The following GAPVD1 variants were observed in gnomAD, a reference collection of about 807,000 sequenced individuals.
GAPVD1 encodes the protein GTPase-activating protein and VPS9 domain-containing protein 1.
In GAPVD1, 35 loss-of-function variants were observed where a neutral mutation model predicts 155.5. The observed-to-expected ratio is 0.23, with a 90% CI of 0.17 to 0.30. The LOEUF (loss-of-function observed/expected upper bound fraction) is 0.30, where lower values mean the gene tolerates loss of function less well. Among genes scored for constraint, GAPVD1 ranks in the 10% least tolerant of loss-of-function variants. GAPVD1 has a pLI of 1.00. For missense variants in GAPVD1, 1,429 were observed against 1,775.7 expected, an observed-to-expected ratio of 0.80 and a Z score of 3.51; for synonymous variants, 636 against 619.7, an observed-to-expected ratio of 1.03 and a Z score of -0.39.
rs573927321 is a variant in GAPVD1 at position 125,274,254 on chromosome 9, G to A, written c.-150+5270G>A. Among the ~76,000 whole-genome samples, 5 of 152,080 alleles carry A rather than the reference G, an allele frequency of 3.3e-5. No homozygotes were observed. In the South Asian group the frequency reaches 1.0e-3, roughly 32 times the overall value. ...CCTGGTCTTGAACTCCTGACCTAAA[G>A]TGATCTGCCGGCCTCGGCCTCTCAA... On this transcript the variant is annotated intron_variant, in intron 2 of 27. Coordinates refer to ENST00000297933, the MANE Select transcript of GAPVD1 (RefSeq NM_001282680.3).
chr9:125,296,702 C>T (rs1839946504), intron 3 of GAPVD1, among the ~76,000 whole-genome samples: 2 of 121,176 alleles, frequency 1.7e-5, no homozygotes, highest in Non-Finnish European at 3.3e-5. Context: ...CGTTCTGTTG[C>T]CCATGCTGGA....
At chr9:125,353,884 T>A (rs969507346) in intron 23 of GAPVD1, among the ~76,000 whole-genome samples, 2 of 152,198 alleles carry the variant, frequency 1.3e-5, no homozygotes, top group African/African-American at 4.8e-5. Context: ...GCAACATATT[T>A]GGATATTTAC....
chr9:125,360,465 G>C, intron 26 of GAPVD1, 63 bp from the exon 27 acceptor site: 4 of 1,316,100 alleles, frequency 3.0e-6, no homozygotes, highest in Non-Finnish European at 4.4e-6. Flanking sequence ...GGAGGTTGCA[G>C]TAGTCACTGC....
At chr9:125,272,455 C>G (rs780859492) in intron 2 of GAPVD1, among the ~76,000 whole-genome samples, 32 of 152,166 alleles carry the variant, frequency 2.1e-4, no homozygotes, top group Non-Finnish European at 4.4e-4. Flanking sequence ...GATAGGCCAA[C>G]TTGGATTCTG....
intron 4 of GAPVD1, among the ~76,000 whole-genome samples, chr9:125,299,904 A>G (rs1201830971): frequency 1.4e-5 from 2 of 142,446 alleles, no homozygotes; most frequent in African/African-American, 5.2e-5. Context: ...CTGTAATCCC[A>G]GCTACTCGGG....
intron 9 of GAPVD1, among the ~76,000 whole-genome samples, chr9:125,320,470 T>C (rs544807057): frequency 1.3e-4 from 20 of 152,280 alleles, no homozygotes; most frequent in African/African-American, 4.6e-4. Flanking sequence ...TATGTTGTGA[T>C]CAAGTGGACG....
rs1055401802 is a variant in GAPVD1, at chr9:125,331,986, G to A, written c.2234G>A (p.Gly745Asp). The change falls in exon 14 of 28, where the codon GGT (glycine) becomes GAT (aspartate). Residue 745 changes from glycine to aspartate, a missense_variant. This residue lies in a region of GAPVD1 where 699 missense variants were observed against 826.0 expected (regional missense o/e 0.85). Transcript: ENST00000297933. ...GAACTGGAGAGCTGTTCTGGACTGG[G>A]TAGCACATCTGATGATACGGATGTC... is the stretch of plus-strand genomic sequence containing the variant. ...LQELESCSGL[G>D]STSDDTDVRE... is the part of the protein sequence containing the mutation. 6.2e-7 allele frequency: 1 copy of A among 1,613,582 alleles called. No individual in the cohort carries two copies. Among genetic ancestry groups the A allele is most frequent in the Non-Finnish European group, 8.5e-7 (1 of 1,179,608 alleles).
At chr9:125,335,092 C>A in intron 15 of GAPVD1, 1 of 630,632 alleles carries the variant, frequency 1.6e-6, no homozygotes, top group South Asian at 2.1e-5. Flanking sequence ...GGTAGAGTAT[C>A]AAAGAATAAT....
intron 1 of GAPVD1, among the ~76,000 whole-genome samples, chr9:125,267,051 G>T (rs1472019380): frequency 6.6e-6 from 1 of 152,134 alleles, no homozygotes; most frequent in Non-Finnish European, 1.5e-5. Context: ...CACTGTACCC[G>T]GCAGGCTTTG....
chr9:125,361,061 G>T (rs940732062), intron 27 of GAPVD1, among the ~76,000 whole-genome samples: 4 of 151,962 alleles, frequency 2.6e-5, no homozygotes, highest in Non-Finnish European at 5.9e-5. Flanking sequence ...ACAGGGTTTC[G>T]CCATGTTGGC....
chr9:125,356,096 G>A (rs150533041), intron 25 of GAPVD1, among the ~76,000 whole-genome samples: 3 of 152,330 alleles, frequency 2.0e-5, no homozygotes, highest in Non-Finnish European at 2.9e-5. Context: ...AAGCACTGCT[G>A]TTTACTCTGC....
At chr9:125,284,215 A>C (rs1397157605) in intron 2 of GAPVD1, among the ~76,000 whole-genome samples, 3 of 108,268 alleles carry the variant, frequency 2.8e-5, no homozygotes, top group African/African-American at 7.6e-5. Context: ...ATGGAGACTC[A>C]CTCTTGACAC....
chr9:125,315,519 A>G (rs180856669), intron 9 of GAPVD1, among the ~76,000 whole-genome samples: 1 of 152,224 alleles, frequency 6.6e-6, no homozygotes, highest in African/African-American at 2.4e-5. Context: ...TGAAAGCAGC[A>G]TGGTTGTGTA....
chr9:125,315,589 GC>G (rs1843305557), intron 9 of GAPVD1, among the ~76,000 whole-genome samples: 2 of 152,144 alleles, frequency 1.3e-5, no homozygotes, highest in South Asian at 4.1e-4. Context: ...TGTTTTGCCT[GC>G]CTCTGATCTT....
Position 125,362,705 on chromosome 9 carries a change from G to A in GAPVD1, c.4342G>A (p.Ala1448Thr). ...EESYWWMQFTAAVEFIKTIDD... is the reference protein window; with the variant it reads ...EESYWWMQFTTAVEFIKTIDD... The stretch of plus-strand genomic sequence containing the variant: ...GTCCTATTGGTGGATGCAGTTCACA[G>A]CAGCAGTAGAATTCATTAAAACCAT... The change falls in exon 28 of 28, where the codon GCA (alanine) becomes ACA (threonine). Residue 1448 changes from alanine (A) to threonine (T), a missense_variant. Coordinates refer to ENST00000297933, the MANE Select transcript of GAPVD1 (RefSeq NM_001282680.3). 6.2e-7 allele frequency: 1 copy of A among 1,613,852 alleles called. No homozygotes were observed. The highest frequency in any genetic ancestry group is 8.5e-7 in the Non-Finnish European group (1 of 1,179,838).
At chr9:125,266,694 G>A (rs1054568280) in intron 1 of GAPVD1, among the ~76,000 whole-genome samples, 4 of 152,130 alleles carry the variant, frequency 2.6e-5, no homozygotes, top group Admixed American at 2.6e-4. Context: ...AATTCTGGGA[G>A]GCAGAATATA....
In GAPVD1 at chr9:125,323,928, A is replaced by T. The variant is rs1844766918; in HGVS notation, c.1858+5A>T. 6.2e-7 allele frequency: 1 copy of T among 1,612,216 alleles called. No homozygotes were observed. The highest frequency in any genetic ancestry group is 2.2e-5 in the East Asian group (1 of 44,844). On this transcript the variant is annotated splice_donor_5th_base_variant and intron_variant, in intron 11 of 27. Coordinates refer to ENST00000297933, the MANE Select transcript of GAPVD1 (RefSeq NM_001282680.3). Reference sequence around the variant, plus strand: ...AGCTGTTAGAACATGAGCAAGGTAAAGTGAAGTTGAACACAGTTGCCTAAG... The same window carrying T: ...AGCTGTTAGAACATGAGCAAGGTAATGTGAAGTTGAACACAGTTGCCTAAG...
At chr9:125,338,082 G>A (rs1847292495) in intron 17 of GAPVD1, among the ~76,000 whole-genome samples, 1 of 152,144 alleles carries the variant, frequency 6.6e-6, no homozygotes, top group African/African-American at 2.4e-5. Flanking sequence ...CACCATGTTG[G>A]CCAGGATGGT....
chr9:125,305,118 G>T lies in GAPVD1; in HGVS notation c.1085G>T (p.Arg362Leu). The change falls in exon 6 of 28, where the codon CGA (arginine) becomes CTA (leucine). Residue 362 changes from arginine to leucine, a missense_variant. Physicochemically the swap from Arg to Leu is moderately radical, Grantham distance 102. This residue lies in a region of GAPVD1 where 628 missense variants were observed against 733.4 expected (regional missense o/e 0.86). Coordinates refer to ENST00000297933, the MANE Select transcript of GAPVD1 (RefSeq NM_001282680.3). ...ACTGGCTCTGAAGAGGGAGATCCCC[G>T]AACAAAGAGCAGCCTTGGAAAGTTT... ...AMTGSEEGDP[R>L]TKSSLGKFDK... The T allele has an allele frequency of 1.9e-6, 3 of 1,613,746 alleles. No individual in the cohort carries two copies. Among genetic ancestry groups the T allele is most frequent in the East Asian group, 4.5e-5 (2 of 44,866 alleles).
Sources: allele counts gnomAD v4.1 joint callset (sites outside exome capture counted in the v4.1 genomes callset), GRCh38; gene constraint gnomAD v4.1.1; regional missense constraint gnomAD v4.1.1; transcripts MANE v1.5; gene names NCBI Gene and HGNC (gene_info 2026-07-23, HGNC 2026-07-21).